Variants in HCK observed in about 807,000 individuals in gnomAD.
HCK encodes HCK proto-oncogene, Src family tyrosine kinase.
Under a neutral mutation model 70.4 loss-of-function variants are expected in HCK, and 40 were observed. The observed-to-expected ratio is 0.57, with a 90% CI of 0.44 to 0.74. The LOEUF is 0.74. HCK is among the 30% of genes least tolerant of loss of function. HCK has a pLI of 0.00. For missense variants in HCK, 568 were observed against 697.2 expected (o/e 0.81, Z 2.09); for synonymous variants, 245 against 263.2 (o/e 0.93, Z 0.67).
chr20:32,084,032 A>T lies in HCK; in HGVS notation c.671A>T (p.Asp224Val). ...TTCAGCACTCTGCAGGAGCTGGTGGACCACTACAAGAGTGAGTCCCACCCC... is the reference window on the plus strand; with the variant it reads ...TTCAGCACTCTGCAGGAGCTGGTGGTCCACTACAAGAGTGAGTCCCACCCC... The change falls in exon 7 of 13, where the codon GAC becomes GTC. Residue 224 changes from aspartate to valine, a missense_variant. By Grantham distance (152) the Asp-to-Val change is radical. Around this residue, in one of 4 missense-constraint regions of HCK, gnomAD observed 318 missense variants for 336.0 expected, o/e 0.95. Transcript: ENST00000375852. 6.2e-7 allele frequency: 1 copy of T among 1,613,768 alleles called. No individual in the cohort carries two copies. Among genetic ancestry groups the T allele is most frequent in the East Asian group, 2.2e-5 (1 of 44,886 alleles).
At chr20:32,053,133 A>G (rs2122430278) in intron 1 of HCK, among the ~76,000 whole-genome samples, 1 of 152,196 alleles carries the variant, frequency 6.6e-6, no homozygotes, top group Non-Finnish European at 1.5e-5. Context: ...CGGGGCTATG[A>G]AGTCTTTCTT....
rs1569010515 is a variant in HCK at position 32,094,794 on chromosome 20, A to AC, written c.1246+778_1246+779insC. Among the ~76,000 whole-genome samples, 71 of 14,796 alleles carry AC rather than the reference A, an allele frequency of 4.8e-3. 1 individual carries two copies. The highest frequency in any genetic ancestry group is 7.6e-3 in the African/African-American group (61 of 7,978). The allele number at this position is 14,796 out of a possible 152,430, so 9.7% of individuals were successfully genotyped here. A position where few individuals can be genotyped will look rare whatever the true frequency, so the allele number is the denominator to read the frequency against. ...GAAAGAAAGAGAGAGAAAGAGAAAG[A>AC]AAGAAAGAAAGAAAGAAAGAAAGAA... On this transcript the variant is annotated intron_variant, in intron 11 of 12. Transcript: ENST00000375852.
chr20:32,100,047 A>G (rs1216973194), intron 12 of HCK, among the ~76,000 whole-genome samples: 4 of 151,970 alleles, frequency 2.6e-5, no homozygotes, highest in Non-Finnish European at 4.4e-5. Flanking sequence ...CCATAGGCAC[A>G]TGCCACCATG....
chr20:32,078,110 C>T (rs1195329019), intron 5 of HCK, among the ~76,000 whole-genome samples: 9 of 151,806 alleles, frequency 5.9e-5, no homozygotes, highest in African/African-American at 9.7e-5. Context: ...TCTCGGCTCA[C>T]TGCAAGCTCC....
At chr20:32,084,163 T>A (rs2045748730) in intron 7 of HCK, 120 bp downstream of exon 7, 4 of 1,171,924 alleles carry the variant, frequency 3.4e-6, no homozygotes, top group Non-Finnish European at 2.4e-6. Context: ...AGACAGATAG[T>A]TGCTTTGGAT....
intron 5 of HCK, among the ~76,000 whole-genome samples, chr20:32,078,716 G>T (rs971005000): frequency 6.6e-6 from 1 of 151,928 alleles, no homozygotes; most frequent in African/African-American, 2.4e-5. Flanking sequence ...AATTAGCTAG[G>T]TGTAGTGGTG....
intron 2 of HCK, 32 bp from the exon 3 acceptor site, chr20:32,073,287 A>AT: frequency 6.3e-7 from 1 of 1,598,880 alleles, no homozygotes; most frequent in Non-Finnish European, 8.6e-7. Flanking sequence ...CATTGGTCAG[A>AT]TTCATTCTCT....
In HCK at chr20:32,079,778, T is replaced by G. The variant is rs2045681886; in HGVS notation, c.433T>G (p.Phe145Val). 6.2e-7 allele frequency: 1 copy of G among 1,612,592 alleles called. No homozygotes were observed. Reference sequence around the variant, plus strand: ...GTCCCCTCCCTTTTCCATCAGGTGGTTTTTCAAGGGCATCAGCCGGAAGGA... The same window carrying G: ...GTCCCCTCCCTTTTCCATCAGGTGGGTTTTCAAGGGCATCAGCCGGAAGGA... Residue 145 changes from phenylalanine (F) to valine (V), a missense_variant, in exon 6 of 13, where the codon TTT becomes GTT. Phe to Val is a conservative substitution (Grantham distance 50). Around this residue, in one of 4 missense-constraint regions of HCK, gnomAD observed 318 missense variants for 336.0 expected, o/e 0.95. Transcript: ENST00000375852.
chr20:32,059,617 C>T lies in HCK; in HGVS notation c.62+7131C>T, dbSNP rs146791805. ...GCAGCCCCAACCTCCTGCGCTCAAGCGATCCTCCCACCTCAGCCTCCTGAG... is the reference window on the plus strand; with the variant it reads ...GCAGCCCCAACCTCCTGCGCTCAAGTGATCCTCCCACCTCAGCCTCCTGAG... On this transcript the variant is annotated intron_variant, in intron 1 of 12. Coordinates refer to ENST00000375852, the MANE Select transcript of HCK (RefSeq NM_002110.5). 9.4e-3 allele frequency among the ~76,000 whole-genome samples: 1,423 copies of T among 151,912 alleles called. 20 individuals carry two copies. Among genetic ancestry groups the T allele is most frequent in the African/African-American group, 0.032 (1,304 of 41,370 alleles).
At chr20:32,078,886 G>T (rs1287821625) in intron 5 of HCK, among the ~76,000 whole-genome samples, 1 of 146,476 alleles carries the variant, frequency 6.8e-6, no homozygotes, top group Non-Finnish European at 1.5e-5. Context: ...AAAAGGGGGG[G>T]AATGATAAAG....
chr20:32,093,270 T>A (rs2045888158), intron 10 of HCK, among the ~76,000 whole-genome samples: 1 of 152,116 alleles, frequency 6.6e-6, no homozygotes, highest in South Asian at 2.1e-4. Flanking sequence ...TTATGGTACT[T>A]ACCACCTGCA....
At chr20:32,094,781 GAGA>G (rs2045922434) in intron 11 of HCK, among the ~76,000 whole-genome samples, 1 of 89,106 alleles carries the variant, frequency 1.1e-5, no homozygotes, top group Non-Finnish European at 2.1e-5. Flanking sequence ...AAGAAAGAGA[GAGA>G]AAGAGAAAGA....
intron 12 of HCK, among the ~76,000 whole-genome samples, chr20:32,100,605 G>C (rs1184068107): frequency 6.6e-6 from 1 of 152,200 alleles, no homozygotes; most frequent in South Asian, 2.1e-4. Context: ...CCAAGTAAAG[G>C]AAGCACTTGA....
Position 32,073,750 on chromosome 20 carries a change from T to C in HCK, c.261T>C (p.Tyr87=), listed in dbSNP as rs141150727. 2.5e-4 allele frequency: 391 copies of C among 1,558,782 alleles called. 1 individual carries two copies. The African/African-American group carries it at 3.0e-3, about 12-fold the overall frequency. The change falls in exon 4 of 13, where the codon TAT becomes TAC. Residue 87 remains tyrosine, a synonymous_variant. Coordinates refer to ENST00000375852, the MANE Select transcript of HCK (RefSeq NM_002110.5). Reference sequence around the variant, plus strand: ...AGGACATCATCGTGGTTGCCCTGTATGATTACGAGGCCATTCACCACGAAG... The same window carrying C: ...AGGACATCATCGTGGTTGCCCTGTACGATTACGAGGCCATTCACCACGAAG...
rs1555873133 is a variant in HCK, at chr20:32,052,804, T to TGGG, written c.62+318_62+319insGGG. On this transcript the variant is annotated intron_variant, in intron 1 of 12. Coordinates refer to ENST00000375852, the MANE Select transcript of HCK (RefSeq NM_002110.5). ...TCTTGGGGGGGGGCGGGGATTTTTT[T>TGGG]TTTAATTTAAAAAAGAAAAAGAAGG... is the stretch of plus-strand genomic sequence containing the variant. Among the ~76,000 whole-genome samples, 925 of 121,260 alleles carry TGGG rather than the reference T, an allele frequency of 7.6e-3. 33 individuals are homozygous for TGGG. Among genetic ancestry groups the TGGG allele is most frequent in the African/African-American group, 9.7e-3 (321 of 33,050 alleles). 79.6% of individuals were successfully genotyped at this position (121,260 alleles called of 152,430 possible).
At position 32,099,139 on chromosome 20, in the gene HCK, G is replaced by A; in HGVS notation, c.1378+4G>A. Reference sequence around the variant, plus strand: ...TACGGCCGGATCCCTTACCCAGGTAGGGAAGGGGCATCAGCTCAGGGCTGC... The same window carrying A: ...TACGGCCGGATCCCTTACCCAGGTAAGGAAGGGGCATCAGCTCAGGGCTGC... On this transcript the variant is annotated splice_donor_region_variant and intron_variant, in intron 12 of 12. Transcript: ENST00000375852. The A allele has an allele frequency of 6.2e-7, 1 of 1,613,844 alleles. No individual in the cohort carries two copies. The highest frequency in any genetic ancestry group is 1.3e-5 in the African/African-American group (1 of 74,990).
At position 32,093,508 on chromosome 20, in the gene HCK, T is replaced by TGG. The variant is rs1555877465; in HGVS notation, c.1093-354_1093-353insGG. Among the ~76,000 whole-genome samples the TGG allele has an allele frequency of 7.9e-5, 12 of 152,030 alleles. 1 individual carries two copies. Among genetic ancestry groups the TGG allele is most frequent in the African/African-American group, 2.4e-4 (10 of 41,440 alleles). ...TAGGGTTCGTGTGTGTGTGTGTGTG[T>TGG]GTGTGTGTGTGTGTGCATGTGCACG... On this transcript the variant is annotated intron_variant, in intron 10 of 12. Transcript: ENST00000375852.
intron 10 of HCK, among the ~76,000 whole-genome samples, chr20:32,091,318 AAGC>A (rs1212378713): frequency 3.3e-5 from 5 of 152,236 alleles, no homozygotes; most frequent in African/African-American, 1.2e-4. Flanking sequence ...CGTGGACCCC[AAGC>A]AGCGCTTTTG....
Position 32,084,692 on chromosome 20 carries a change from G to A in HCK, c.835+149G>A, listed in dbSNP as rs2045759069. 3 of 731,420 alleles carry A rather than the reference G, an allele frequency of 4.1e-6. No individual in the cohort carries two copies. In the Admixed American group the frequency reaches 8.8e-5, roughly 21 times the overall value. The allele number at this position is 731,420 out of a possible 1,614,324, so 45.3% of individuals were successfully genotyped here. On this transcript the variant is annotated intron_variant, in intron 8 of 12. Transcript: ENST00000375852. ...AATAGCCATAAAGAAGCAGTTCCCT[G>A]ATAGCAAACCAAATTGTCTTGCTGT...
Sources: gnomAD v4.1 joint callset for allele counts (sites outside exome capture counted in the v4.1 genomes callset) on GRCh38, gnomAD v4.1.1 for gene constraint, gnomAD v4.1.1 regional missense constraint, MANE v1.5 for transcripts, NCBI Gene and HGNC (gene_info 2026-07-23, HGNC 2026-07-21) for gene names.